TTC39B: variants seen among roughly 807,000 people sequenced by gnomAD.
TTC39B encodes the protein tetratricopeptide repeat domain 39B, also known as tetratricopeptide repeat protein 39B.
A neutral mutation model predicts 96.6 loss-of-function variants in TTC39B; 92 were observed. The observed-to-expected ratio is 0.95, with a 90% CI of 0.80 to 1.13. The LOEUF is 1.13. Among genes scored for constraint, TTC39B ranks in the 50% most tolerant of loss-of-function variants. The pLI is 0.00. For missense variants in TTC39B, 955 were observed against 809.3 expected, an observed-to-expected ratio of 1.18 and a Z score of -2.18; for synonymous variants, 367 against 299.4, an observed-to-expected ratio of 1.23 and a Z score of -2.33.
intron 1 of TTC39B, among the ~76,000 whole-genome samples, chr9:15,302,576 G>A (rs1824634145): frequency 6.9e-6 from 1 of 145,610 alleles, no homozygotes; most frequent in African/African-American, 2.5e-5. Flanking sequence ...CGGTGCAGTG[G>A]CTCACACCTG....
chr9:15,267,509 C>T (rs894906456), intron 2 of TTC39B, among the ~76,000 whole-genome samples: 10 of 152,082 alleles, frequency 6.6e-5, no homozygotes, highest in African/African-American at 2.4e-4. Context: ...TGTAATATTC[C>T]ATTTGATCTA....
chr9:15,251,023 C>T (rs1031324869), intron 2 of TTC39B, among the ~76,000 whole-genome samples: 1 of 152,004 alleles, frequency 6.6e-6, no homozygotes, highest in East Asian at 1.9e-4. Flanking sequence ...TGCTGAAACC[C>T]CATCTCTACT....
intron 2 of TTC39B, among the ~76,000 whole-genome samples, chr9:15,259,639 G>C (rs978198453): frequency 6.6e-6 from 1 of 152,180 alleles, no homozygotes; most frequent in East Asian, 1.9e-4. Flanking sequence ...GGAATGAAGT[G>C]CAGATGGTCC....
intron 6 of TTC39B, 87 bp downstream of exon 6, chr9:15,210,001 C>G (rs1173555483): frequency 1.1e-6 from 1 of 947,098 alleles, no homozygotes; most frequent in Non-Finnish European, 1.7e-6. Context: ...ATTCCATTTA[C>G]TTTATATACT....
At chr9:15,285,316 T>A (rs375052607) in intron 1 of TTC39B, among the ~76,000 whole-genome samples, 6 of 152,192 alleles carry the variant, frequency 3.9e-5, no homozygotes, top group African/African-American at 1.4e-4. Context: ...TGTATTTGTT[T>A]GTTTACTTTC....
intron 1 of TTC39B, among the ~76,000 whole-genome samples, chr9:15,270,589 G>T (rs1823307901): frequency 6.7e-6 from 1 of 148,626 alleles, no homozygotes; most frequent in Non-Finnish European, 1.5e-5. Flanking sequence ...TAAACAAGAA[G>T]TATTCCCACC....
At chr9:15,288,084 T>C (rs1824045485) in intron 1 of TTC39B, among the ~76,000 whole-genome samples, 2 of 152,182 alleles carry the variant, frequency 1.3e-5, no homozygotes, top group South Asian at 4.1e-4. Flanking sequence ...TTTCTACCAT[T>C]TGTGAAATCA....
chr9:15,200,060 A>G (rs1819444521), intron 7 of TTC39B, 135 bp from the exon 8 acceptor site: 3 of 509,828 alleles, frequency 5.9e-6, no homozygotes, highest in Non-Finnish European at 1.0e-5. Flanking sequence ...TAATTTTGAA[A>G]TTAACACATA....
At chr9:15,252,837 A>T (rs1015482926) in intron 2 of TTC39B, among the ~76,000 whole-genome samples, 2 of 152,202 alleles carry the variant, frequency 1.3e-5, no homozygotes, top group African/African-American at 4.8e-5. Context: ...GTTTTCTGTA[A>T]ATCTAAAATT....
intron 16 of TTC39B, among the ~76,000 whole-genome samples, chr9:15,184,443 A>C (rs1275651591): frequency 6.6e-6 from 1 of 150,990 alleles, no homozygotes; most frequent in Non-Finnish European, 1.5e-5. Context: ...AAAACTCAGG[A>C]AACCCCAGAG....
intron 8 of TTC39B, among the ~76,000 whole-genome samples, chr9:15,199,545 C>A (rs981861623): frequency 6.6e-6 from 1 of 151,470 alleles, no homozygotes; most frequent in South Asian, 2.1e-4. Flanking sequence ...ACCATCCTGA[C>A]TAACACAGTG....
Position 15,191,442 on chromosome 9 carries a change from C to G in TTC39B, c.931-187G>C, listed in dbSNP as rs41265312. Among the ~76,000 whole-genome samples, 2,900 of 152,304 alleles carry G rather than the reference C, an allele frequency of 0.019. 36 individuals carry two copies. Among genetic ancestry groups the G allele is most frequent in the Non-Finnish European group, 0.03 (2,050 of 68,012 alleles). ...ATGAATTAATTTCATTTAGCTAAGA[C>G]AAGGAACCTTTAAAAAGTTTTTTTT... On this transcript the variant is annotated intron_variant, in intron 9 of 19. Coordinates refer to ENST00000512701, the Ensembl canonical transcript of TTC39B.
chr9:15,167,402 C>T (rs1258428009), exon 20 of TTC39B: 1 of 151,274 alleles, frequency 6.6e-6, no homozygotes, highest in East Asian at 2.0e-4. Flanking sequence ...AGTGTTGAAA[C>T]ATTAATAACA....
chr9:15,204,233 T>TTAAA (rs1819711957), intron 6 of TTC39B, among the ~76,000 whole-genome samples: 1 of 152,174 alleles, frequency 6.6e-6, no homozygotes, highest in African/African-American at 2.4e-5. Context: ...ACTTAATTAG[T>TTAAA]AACATAAAAC....
At chr9:15,294,577 C>G (rs1001306131) in intron 1 of TTC39B, among the ~76,000 whole-genome samples, 3 of 152,174 alleles carry the variant, frequency 2.0e-5, no homozygotes, top group Non-Finnish European at 4.4e-5. Context: ...GAACAGATGG[C>G]CCTTTGAGCC....
intron 2 of TTC39B, chr9:15,250,266 G>A (rs1000464568): frequency 3.7e-5 from 39 of 1,059,484 alleles, no homozygotes; most frequent in Non-Finnish European, 4.5e-5. Context: ...CTCTGCTGCA[G>A]CCTAATTCTA....
chr9:15,245,798 T>C (rs1284465543), intron 2 of TTC39B, among the ~76,000 whole-genome samples: 1 of 152,194 alleles, frequency 6.6e-6, no homozygotes, highest in Non-Finnish European at 1.5e-5. Flanking sequence ...CTAAAGACTT[T>C]CCACATCTGT....
intron 2 of TTC39B, among the ~76,000 whole-genome samples, chr9:15,234,447 A>G (rs1403568691): frequency 6.6e-6 from 1 of 150,548 alleles, no homozygotes; most frequent in African/African-American, 2.4e-5. Context: ...CCCGTCTGGG[A>G]GGTGAGGGGC....
chr9:15,238,804 G>A (rs968725639), intron 2 of TTC39B, among the ~76,000 whole-genome samples: 2 of 152,138 alleles, frequency 1.3e-5, no homozygotes, highest in Non-Finnish European at 2.9e-5. Context: ...TGGGCAACAC[G>A]ACAAAACCCT....
Sources: allele counts gnomAD v4.1 joint callset (sites outside exome capture counted in the v4.1 genomes callset), GRCh38; gene constraint gnomAD v4.1.1; transcripts MANE v1.5; gene names NCBI Gene and HGNC (gene_info 2026-07-23, HGNC 2026-07-21).